The following CAPS2 variants were observed in gnomAD, a reference collection of about 807,000 sequenced individuals.
The protein encoded by CAPS2 is calcyphosine 2.
CAPS2 carries 98 observed loss-of-function variants against 86.5 expected under a neutral mutation model. The ratio of observed to expected loss-of-function variants is 1.13; its 90% CI spans 0.96 to 1.34. The LOEUF (loss-of-function observed/expected upper bound fraction) is 1.34. Among genes scored for constraint, CAPS2 ranks in the 40% most tolerant of loss-of-function variants. The pLI, the probability that CAPS2 is intolerant of heterozygous loss-of-function variation, is 0.00. For synonymous variants in CAPS2, 210 were observed against 225.1 expected (o/e 0.93, Z 0.60); for missense variants, 729 against 686.8 (o/e 1.06, Z -0.69).
At chr12:75,299,567 ACT>A (rs1461434297) in intron 9 of CAPS2, among the ~76,000 whole-genome samples, 117 of 152,232 alleles carry the variant, frequency 7.7e-4, no homozygotes, top group Middle Eastern at 3.5e-3. Flanking sequence ...TAGTAATATA[ACT>A]CTAAAAAATT....
chr12:75,366,581 AAACT>A (rs1000748103), intron 1 of CAPS2, among the ~76,000 whole-genome samples: 1 of 152,080 alleles, frequency 6.6e-6, no homozygotes, highest in African/African-American at 2.4e-5. Flanking sequence ...AGGCACCCTA[AAACT>A]AACACGGCAC....
At chr12:75,304,949 C>T (rs752311811) in intron 7 of CAPS2, 73 bp from the exon 8 acceptor site, 1 of 1,475,282 alleles carries the variant, frequency 6.8e-7, no homozygotes, top group Non-Finnish European at 9.3e-7. Flanking sequence ...TATTTATAAG[C>T]AGTTCTAAAA....
rs2044669997 is a variant in CAPS2 at position 75,376,737 on chromosome 12, C to A, written c.-395+14101G>T. 2.0e-5 allele frequency among the ~76,000 whole-genome samples: 3 copies of A among 152,142 alleles called. No homozygotes were observed. In the South Asian group the frequency reaches 6.2e-4, roughly 31 times the overall value. ...GTCCCATTCTTTTCCAATCAATGTC[C>A]TCATTTTAACAATAGATACCTGGTG... is the stretch of plus-strand genomic sequence containing the variant. On this transcript the variant is annotated intron_variant, in intron 1 of 5. Coordinates refer to the CAPS2 transcript ENST00000551829.
At chr12:75,284,979 C>T in exon 15 of CAPS2, 3 of 1,604,876 alleles carry the variant, frequency 1.9e-6, no homozygotes, top group Non-Finnish European at 2.6e-6. Flanking sequence ...CATATGATTT[C>T]CTGTATTCAT....
chr12:75,345,189 T>C lies in CAPS2; in HGVS notation c.-394-21967A>G, dbSNP rs113793478. Among the ~76,000 whole-genome samples, 426 of 152,060 alleles carry C rather than the reference T, an allele frequency of 2.8e-3. 2 individuals carry two copies. The highest frequency in any genetic ancestry group is 9.8e-3 in the African/African-American group (406 of 41,456). ...AATCAGACTCTCATAACTATGAGAG[T>C]GTATCAAACTTCTCCTGAGCCATAA... On this transcript the variant is annotated intron_variant, in intron 1 of 5. Coordinates refer to the CAPS2 transcript ENST00000551829.
upstream of CAPS2, chr12:75,326,634 T>A: frequency 1.6e-6 from 1 of 633,592 alleles, no homozygotes; most frequent in Non-Finnish European, 2.8e-6. Context: ...ATAAGGTTAA[T>A]CACTTCTAGT....
intron 1 of CAPS2, among the ~76,000 whole-genome samples, chr12:75,351,915 A>G (rs1456012311): frequency 1.3e-5 from 2 of 152,158 alleles, no homozygotes; most frequent in Admixed American, 6.5e-5. Context: ...CAACATCATA[A>G]GCGAAGGAGA....
downstream of CAPS2, chr12:75,276,315 T>C: frequency 6.7e-7 from 1 of 1,501,684 alleles, no homozygotes. Context: ...TATAATCTCA[T>C]AAAAGCATGT....
intron 14 of CAPS2, among the ~76,000 whole-genome samples, chr12:75,287,418 G>A (rs1360433419): frequency 6.6e-6 from 1 of 152,118 alleles, no homozygotes; most frequent in Non-Finnish European, 1.5e-5. Context: ...ATGGAGGAAG[G>A]AATGCTGCTC....
chr12:75,282,344 A>C, exon 16 of CAPS2: 1 of 1,567,394 alleles, frequency 6.4e-7, no homozygotes, highest in Non-Finnish European at 8.8e-7. Context: ...AGTTTCATAA[A>C]GGCCTAAACA....
chr12:75,328,060 A>C (rs181572449), upstream of CAPS2, among the ~76,000 whole-genome samples: 626 of 152,112 alleles, frequency 4.1e-3, 3 homozygotes, highest in African/African-American at 0.014. Flanking sequence ...TTCTGAAAAA[A>C]AAATACAAAT....
upstream of CAPS2, among the ~76,000 whole-genome samples, chr12:75,333,326 A>C (rs2041472290): frequency 6.6e-6 from 1 of 152,162 alleles, no homozygotes; most frequent in South Asian, 2.1e-4. Flanking sequence ...ATGTGTGTAT[A>C]TGTATGTGTG....
intron 7 of CAPS2, among the ~76,000 whole-genome samples, chr12:75,309,137 C>A (rs1222663154): frequency 7.2e-5 from 11 of 152,102 alleles, no homozygotes; most frequent in African/African-American, 2.7e-4. Flanking sequence ...GCCAAATTAA[C>A]TAAGCAGCAT....
chr12:75,305,960 A>G (rs867656582), intron 7 of CAPS2: 3 of 1,242,896 alleles, frequency 2.4e-6, no homozygotes, highest in Middle Eastern at 1.9e-4. Context: ...GAGCATGGAC[A>G]GGGTGGCTCT....
At chr12:75,276,479 C>G (rs2032952186), downstream of CAPS2, 65 of 977,716 alleles carry the variant, frequency 6.6e-5, no homozygotes, top group Non-Finnish European at 7.9e-5. Context: ...GTGACTGCCT[C>G]TATGCAGAGT....
At chr12:75,316,246 T>G (rs1284147988) in intron 6 of CAPS2, 66 bp downstream of exon 6, 1 of 1,531,142 alleles carries the variant, frequency 6.5e-7, no homozygotes, top group South Asian at 1.2e-5. Flanking sequence ...CCATTCAGTC[T>G]TTAAAATCTT....
chr12:75,334,913 A>T, upstream of CAPS2: 1 of 1,611,806 alleles, frequency 6.2e-7, no homozygotes, highest in Non-Finnish European at 8.5e-7. Context: ...GTGAGAAAGA[A>T]CCAGGGCTGG....
At chr12:75,332,305 C>A (rs1261266084), upstream of CAPS2, among the ~76,000 whole-genome samples, 3 of 152,164 alleles carry the variant, frequency 2.0e-5, no homozygotes, top group Non-Finnish European at 4.4e-5. Flanking sequence ...TTTTGCAGTT[C>A]CAAAAGAGTT....
At chr12:75,296,789 T>A (rs1179356754) in intron 11 of CAPS2, among the ~76,000 whole-genome samples, 1 of 152,112 alleles carries the variant, frequency 6.6e-6, no homozygotes, top group Non-Finnish European at 1.5e-5. Context: ...GGGATAGGGT[T>A]GAATATTTCT....
Sources: allele counts gnomAD v4.1 joint callset (sites outside exome capture counted in the v4.1 genomes callset), GRCh38; gene constraint gnomAD v4.1.1; transcripts MANE v1.5; gene names NCBI Gene and HGNC (gene_info 2026-07-23, HGNC 2026-07-21).